RGS6: variants seen among roughly 807,000 people sequenced by gnomAD.
The protein encoded by RGS6 is regulator of G-protein signaling 6.
Under a neutral mutation model 78.5 loss-of-function variants are expected in RGS6, and 30 were observed. The observed-to-expected ratio is 0.38, with a 90% CI of 0.29 to 0.52. The LOEUF is 0.52. RGS6 is among the 20% of genes least tolerant of loss of function. RGS6 has a pLI of 0.85. For missense variants in RGS6, 495 were observed against 609.7 expected, an observed-to-expected ratio of 0.81 and a Z score of 1.98; for synonymous variants, 206 against 206.0, an observed-to-expected ratio of 1.00 and a Z score of 0.00.
chr14:72,307,839 C>T (rs764215089), intron 2 of RGS6, among the ~76,000 whole-genome samples: 1 of 152,104 alleles, frequency 6.6e-6, no homozygotes, highest in African/African-American at 2.4e-5. Context: ...ACAAATTTTC[C>T]AATCAAAGAC....
chr14:72,087,698 A>C (rs1406750848), intron 2 of RGS6, among the ~76,000 whole-genome samples: 1 of 152,002 alleles, frequency 6.6e-6, no homozygotes, highest in Non-Finnish European at 1.5e-5. Context: ...AGGTGAGCCC[A>C]TGAGTAAATA....
At chr14:72,460,623 T>C (rs1317382274) in intron 6 of RGS6, among the ~76,000 whole-genome samples, 2 of 152,134 alleles carry the variant, frequency 1.3e-5, no homozygotes, top group African/African-American at 4.8e-5. Flanking sequence ...TGCCTGAAGG[T>C]TGTAGCTGCA....
chr14:71,958,653 T>C (rs1451270292), intron 1 of RGS6, among the ~76,000 whole-genome samples: 1 of 19,372 alleles, frequency 5.2e-5, no homozygotes, highest in African/African-American at 5.8e-4. Context: ...CATGGGAAGC[T>C]AAAGGAGCCC....
At chr14:72,196,536 G>A (rs1473495952) in intron 2 of RGS6, among the ~76,000 whole-genome samples, 1 of 152,130 alleles carries the variant, frequency 6.6e-6, no homozygotes, top group Admixed American at 6.5e-5. Flanking sequence ...AACTCTGAAG[G>A]GGTCTTCTTG....
intron 2 of RGS6, among the ~76,000 whole-genome samples, chr14:72,253,910 G>A (rs548493485): frequency 6.6e-6 from 1 of 152,288 alleles, no homozygotes; most frequent in African/African-American, 2.4e-5. Flanking sequence ...GGTCTATCTG[G>A]CATTACGTTT....
the RGS6 span, among the ~76,000 whole-genome samples, chr14:72,611,528 G>C: frequency 1.6e-4 from 24 of 148,760 alleles, no homozygotes; most frequent in Non-Finnish European, 2.8e-4. Context: ...CCCCAGTCCC[G>C]CTCTCTGCTT....
chr14:72,476,661 TGA>T, intron 10 of RGS6, 79 bp from the exon 11 acceptor site: 1 of 1,009,288 alleles, frequency 9.9e-7, no homozygotes, highest in Non-Finnish European at 1.5e-6. Flanking sequence ...CGAAATTGGA[TGA>T]GTCATTGGAC....
chr14:72,451,062 C>T (rs1555407650), intron 3 of RGS6, among the ~76,000 whole-genome samples: 1 of 152,166 alleles, frequency 6.6e-6, no homozygotes, highest in Non-Finnish European at 1.5e-5. Flanking sequence ...AGCACGTCCC[C>T]CTGTCTCTAG....
chr14:72,366,549 G>T (rs2152815418), intron 3 of RGS6, among the ~76,000 whole-genome samples: 1 of 152,296 alleles, frequency 6.6e-6, no homozygotes, highest in Admixed American at 6.5e-5. Flanking sequence ...AGGCTCATTG[G>T]CTTTTTGCAG....
At chr14:72,601,614 G>A in the RGS6 span, among the ~76,000 whole-genome samples, 1 of 152,234 alleles carries the variant, frequency 6.6e-6, no homozygotes, top group African/African-American at 2.4e-5. Context: ...ACAAAGAAAT[G>A]ATAAATGTTT....
At chr14:72,096,296 AAAG>A (rs894105733) in intron 2 of RGS6, among the ~76,000 whole-genome samples, 3 of 151,982 alleles carry the variant, frequency 2.0e-5, no homozygotes, top group African/African-American at 7.2e-5. Flanking sequence ...AAAAAAAAGA[AAAG>A]AAAAACACAC....
intron 3 of RGS6, among the ~76,000 whole-genome samples, chr14:72,377,702 T>C (rs1450328028): frequency 6.6e-6 from 1 of 152,086 alleles, no homozygotes; most frequent in Non-Finnish European, 1.5e-5. Flanking sequence ...TGGCCAGGCA[T>C]GGTGTAATCC....
At chr14:72,012,148 T>C (rs576789787) in intron 2 of RGS6, among the ~76,000 whole-genome samples, 7 of 152,314 alleles carry the variant, frequency 4.6e-5, no homozygotes, top group African/African-American at 1.4e-4. Context: ...AGTGATTTGA[T>C]TGGCACTTCT....
intron 2 of RGS6, among the ~76,000 whole-genome samples, chr14:72,293,765 A>C (rs1250515016): frequency 2.0e-5 from 3 of 152,246 alleles, no homozygotes; most frequent in Admixed American, 2.0e-4. Flanking sequence ...GACATGGGCT[A>C]AGCCAAGGCC....
intron 2 of RGS6, among the ~76,000 whole-genome samples, chr14:72,130,284 A>G (rs1051244102): frequency 6.6e-5 from 10 of 152,128 alleles, no homozygotes; most frequent in Non-Finnish European, 1.3e-4. Flanking sequence ...ATTTTCACCA[A>G]CCAGAAAGTT....
chr14:72,337,766 G>A (rs2076306967), intron 2 of RGS6, among the ~76,000 whole-genome samples: 1 of 152,180 alleles, frequency 6.6e-6, no homozygotes, highest in Non-Finnish European at 1.5e-5. Context: ...GAAGCAATTG[G>A]CAAATGACCC....
At position 72,049,639 on chromosome 14, in the gene RGS6, C is replaced by T. The variant is rs2093099895; in HGVS notation, c.84+84764C>T. Among the ~76,000 whole-genome samples the T allele has an allele frequency of 3.9e-5, 6 of 152,274 alleles. No individual in the cohort carries two copies. The South Asian group carries it at 1.2e-3, about 32-fold the overall frequency. On this transcript the variant is annotated intron_variant, in intron 2 of 17. Coordinates refer to ENST00000553525, the MANE Select transcript of RGS6 (RefSeq NM_001204424.2). ...ACAACCCACACAGAGTGGCTGGCTACTGCATTCACCCTTAGGATCTCCTAA... is the reference window on the plus strand; with the variant it reads ...ACAACCCACACAGAGTGGCTGGCTATTGCATTCACCCTTAGGATCTCCTAA...
chr14:71,936,560 A>G (rs1305029236), intron 1 of RGS6, among the ~76,000 whole-genome samples: 1 of 152,158 alleles, frequency 6.6e-6, no homozygotes, highest in African/African-American at 2.4e-5. Flanking sequence ...ATCTCCTGAG[A>G]TCATACATAA....
chr14:72,408,617 C>CT (rs975121404), intron 3 of RGS6, among the ~76,000 whole-genome samples: 15 of 152,132 alleles, frequency 9.9e-5, no homozygotes, highest in African/African-American at 3.4e-4. Context: ...AGTTGAATGA[C>CT]TTTTTTATAG....
Sources: gnomAD v4.1 joint callset for allele counts (sites outside exome capture counted in the v4.1 genomes callset) on GRCh38, gnomAD v4.1.1 for gene constraint, MANE v1.5 for transcripts, NCBI Gene and HGNC (gene_info 2026-07-23, HGNC 2026-07-21) for gene names.